Variants in TCF12 observed in about 807,000 individuals in gnomAD.
TCF12 encodes DNA-binding protein HTF4.
In TCF12, 45 loss-of-function variants were observed where a neutral mutation model predicts 86.0. The observed-to-expected ratio is 0.52, with a 90% CI of 0.41 to 0.67. TCF12 has a LOEUF of 0.67. Among genes scored for constraint, TCF12 ranks in the 30% least tolerant of loss-of-function variants. The pLI, the probability that TCF12 is intolerant of heterozygous loss-of-function variation, is 0.00. For missense variants in TCF12, 881 were observed against 859.9 expected (o/e 1.02, Z -0.31); for synonymous variants, 330 against 299.6 (o/e 1.10, Z -1.05).
chr15:56,936,586 A>T (rs1194065644), intron 3 of TCF12, among the ~76,000 whole-genome samples: 2 of 152,026 alleles, frequency 1.3e-5, no homozygotes, highest in Non-Finnish European at 2.9e-5. Context: ...TTCTGATGTT[A>T]TCTTCTGGAA....
intron 5 of TCF12, among the ~76,000 whole-genome samples, chr15:57,126,349 T>C (rs912132251): frequency 2.6e-5 from 4 of 152,204 alleles, no homozygotes; most frequent in African/African-American, 9.7e-5. Flanking sequence ...TGAATCATCC[T>C]TATAAAGTTA....
intron 4 of TCF12, among the ~76,000 whole-genome samples, chr15:57,076,301 A>G (rs945801987): frequency 2.0e-5 from 3 of 152,160 alleles, no homozygotes; most frequent in Non-Finnish European, 2.9e-5. Flanking sequence ...AATTAAATAG[A>G]CTTTTTTATT....
chr15:56,928,437 TTA>T lies in TCF12; in HGVS notation c.148+7341_148+7342del, dbSNP rs1223279515. ...CATTGTGATAAGCAATTTATGGGCA[TTA>T]TCTCATTTTACTTTGGATAAAATGA... On this transcript the variant is annotated intron_variant, in intron 3 of 20. Coordinates refer to ENST00000333725, the MANE Select transcript of TCF12 (RefSeq NM_207037.2). 8.5e-5 allele frequency among the ~76,000 whole-genome samples: 13 copies of T among 152,298 alleles called. No individual in the cohort carries two copies. The South Asian group carries it at 1.2e-3, about 15-fold the overall frequency.
chr15:56,971,691 A>G (rs149191338), intron 3 of TCF12, among the ~76,000 whole-genome samples: 1 of 152,316 alleles, frequency 6.6e-6, no homozygotes, highest in East Asian at 1.9e-4. Flanking sequence ...GCTACTAAGA[A>G]TGGCACACAA....
chr15:57,197,722 A>AT (rs747781950), intron 7 of TCF12, 51 bp from the exon 8 acceptor site: 7 of 1,590,504 alleles, frequency 4.4e-6, no homozygotes, highest in African/African-American at 2.7e-5. Flanking sequence ...TGAAGTCTTG[A>AT]TTTTTTTCTG....
intron 3 of TCF12, among the ~76,000 whole-genome samples, chr15:56,975,576 T>G (rs1486646122): frequency 6.6e-6 from 1 of 152,132 alleles, no homozygotes; most frequent in Non-Finnish European, 1.5e-5. Flanking sequence ...ATTATCTGTG[T>G]GAATATGTTA....
At chr15:56,951,610 T>G (rs1390082977) in intron 3 of TCF12, among the ~76,000 whole-genome samples, 1 of 152,174 alleles carries the variant, frequency 6.6e-6, no homozygotes, top group African/African-American at 2.4e-5. Context: ...ATCTAAGAAA[T>G]CTTTCCTTAA....
At chr15:57,119,403 T>G (rs2051071425) in intron 5 of TCF12, among the ~76,000 whole-genome samples, 1 of 150,772 alleles carries the variant, frequency 6.6e-6, no homozygotes, top group Non-Finnish European at 1.5e-5. Context: ...TCCTCTCCGC[T>G]CAGCCTTCCA....
intron 3 of TCF12, among the ~76,000 whole-genome samples, chr15:57,012,651 T>A (rs956949054): frequency 2.0e-5 from 3 of 152,206 alleles, no homozygotes; most frequent in Admixed American, 6.5e-5. Flanking sequence ...GTGATTCGGT[T>A]CCAGTGACAT....
At chr15:57,014,315 A>T (rs1185739319) in intron 3 of TCF12, among the ~76,000 whole-genome samples, 1 of 151,580 alleles carries the variant, frequency 6.6e-6, no homozygotes, top group Admixed American at 6.6e-5. Flanking sequence ...CCCAAAAGCC[A>T]CTCTACAGTG....
intron 8 of TCF12, among the ~76,000 whole-genome samples, chr15:57,228,709 C>T (rs1449718043): frequency 1.3e-5 from 2 of 151,856 alleles, no homozygotes; most frequent in African/African-American, 4.8e-5. Flanking sequence ...CCTTTGACTT[C>T]CTTCTGTAAT....
chr15:57,110,964 A>G (rs1427060402), intron 5 of TCF12, among the ~76,000 whole-genome samples: 4 of 152,236 alleles, frequency 2.6e-5, no homozygotes, highest in African/African-American at 9.6e-5. Context: ...AAAATGGGTC[A>G]GTGGACAGAA....
chr15:57,224,669 G>T (rs2058783261), intron 8 of TCF12, among the ~76,000 whole-genome samples: 2 of 152,110 alleles, frequency 1.3e-5, no homozygotes, highest in African/African-American at 4.8e-5. Context: ...CATGTCTCTG[G>T]AAGTTTTTGG....
At chr15:57,246,172 A>G (rs1042004489) in intron 13 of TCF12, among the ~76,000 whole-genome samples, 3 of 152,174 alleles carry the variant, frequency 2.0e-5, no homozygotes, top group Non-Finnish European at 2.9e-5. Context: ...CCTATTCCTT[A>G]TGTTTTTGAG....
At chr15:57,188,777 T>C (rs1447762764) in intron 6 of TCF12, among the ~76,000 whole-genome samples, 1 of 152,102 alleles carries the variant, frequency 6.6e-6, no homozygotes, top group Non-Finnish European at 1.5e-5. Flanking sequence ...TCACAACATA[T>C]ACAGAAATTA....
At chr15:57,103,285 A>T (rs773879205) in intron 5 of TCF12, among the ~76,000 whole-genome samples, 2 of 152,202 alleles carry the variant, frequency 1.3e-5, no homozygotes, top group Non-Finnish European at 2.9e-5. Context: ...TAAAGTATGT[A>T]ATTTTAAAAT....
chr15:57,012,918 T>G (rs1173330630), intron 3 of TCF12, among the ~76,000 whole-genome samples: 1 of 152,188 alleles, frequency 6.6e-6, no homozygotes, highest in Non-Finnish European at 1.5e-5. Flanking sequence ...TTTTTCTTTA[T>G]TTTTCTGTGA....
intron 5 of TCF12, among the ~76,000 whole-genome samples, chr15:57,102,723 T>C (rs1414813522): frequency 6.6e-6 from 1 of 152,192 alleles, no homozygotes; most frequent in Non-Finnish European, 1.5e-5. Flanking sequence ...TTTCTAAAGT[T>C]TCTGGAGCTA....
chr15:56,969,738 T>C (rs1331987618), intron 3 of TCF12, among the ~76,000 whole-genome samples: 1 of 152,094 alleles, frequency 6.6e-6, no homozygotes, highest in East Asian at 1.9e-4. Context: ...GGTCTGGTCT[T>C]GATCTCTGGG....
Sources: allele counts gnomAD v4.1 joint callset (sites outside exome capture counted in the v4.1 genomes callset), GRCh38; gene constraint gnomAD v4.1.1; transcripts MANE v1.5; gene names NCBI Gene and HGNC (gene_info 2026-07-23, HGNC 2026-07-21).